Variants in TRHDE observed in about 807,000 individuals in gnomAD.
The protein encoded by TRHDE is thyrotropin releasing hormone degrading enzyme.
Under a neutral mutation model 125.7 loss-of-function variants are expected in TRHDE, and 72 were observed. The observed-to-expected ratio is 0.57, with a 90% confidence interval of 0.47 to 0.70. The LOEUF is 0.70. Ranked by LOEUF, TRHDE falls within the 30% of genes least tolerant of loss-of-function variation. The pLI, the probability that TRHDE is intolerant of heterozygous loss-of-function variation, is 0.00. For synonymous variants in TRHDE, 509 were observed against 509.1 expected, an observed-to-expected ratio of 1.00 and a Z score of 0.00; for missense variants, 1,110 against 1,327.1, an observed-to-expected ratio of 0.84 and a Z score of 2.54.
At chr12:72,222,247 TAAG>T (rs1878016553) in intron 2 of TRHDE, among the ~76,000 whole-genome samples, 1 of 151,988 alleles carries the variant, frequency 6.6e-6, no homozygotes, top group African/African-American at 2.4e-5. Flanking sequence ...AATATCAGGG[TAAG>T]AAGAGTATGT....
chr12:72,429,024 A>T (rs1874310543), intron 3 of TRHDE, among the ~76,000 whole-genome samples: 1 of 152,122 alleles, frequency 6.6e-6, no homozygotes, highest in Non-Finnish European at 1.5e-5. Flanking sequence ...ATAAAAAAGG[A>T]TGAGCTTGTG....
chr12:72,518,227 C>G (rs1224259760), intron 6 of TRHDE, among the ~76,000 whole-genome samples: 1 of 147,946 alleles, frequency 6.8e-6, no homozygotes, highest in Non-Finnish European at 1.5e-5. Flanking sequence ...ATTGATCTGT[C>G]TAATGTTGAC....
At position 72,452,831 on chromosome 12, in the gene TRHDE, TC is replaced by T. The variant is rs559770289; in HGVS notation, c.1316-16922del. ...CTGCTCTGGCCATGTACATGCCTAC[TC>T]CCCCTTTGCCATGATTGTAATTTTC... On this transcript the variant is annotated intron_variant, in intron 3 of 18. Transcript: ENST00000261180. Among the ~76,000 whole-genome samples, 3 of 152,152 alleles carry T rather than the reference TC, an allele frequency of 2.0e-5. No individual in the cohort carries two copies. The East Asian group carries it at 5.8e-4, about 30-fold the overall frequency.
chr12:72,100,031 A>G (rs951684636), intron 1 of TRHDE, among the ~76,000 whole-genome samples: 9 of 152,076 alleles, frequency 5.9e-5, no homozygotes, highest in African/African-American at 2.2e-4. Flanking sequence ...TTTTTCTCAG[A>G]GATATTAAAG....
chr12:72,159,817 TG>T (rs912531722), intron 2 of TRHDE, among the ~76,000 whole-genome samples: 5 of 152,178 alleles, frequency 3.3e-5, no homozygotes, highest in African/African-American at 1.2e-4. Flanking sequence ...TTTTCACTGC[TG>T]CAAATACTAT....
chr12:72,162,896 G>A (rs998240979), intron 2 of TRHDE: 1 of 150,100 alleles, frequency 6.7e-6, no homozygotes, highest in African/African-American at 2.5e-5. Flanking sequence ...AAAGGACTTT[G>A]GGGTGGGTTT....
chr12:72,319,235 C>G (rs1868959958), intron 2 of TRHDE, among the ~76,000 whole-genome samples: 1 of 152,140 alleles, frequency 6.6e-6, no homozygotes, highest in African/African-American at 2.4e-5. Flanking sequence ...TCTGATGTCT[C>G]ATAGAGGGGC....
intron 2 of TRHDE, among the ~76,000 whole-genome samples, chr12:72,249,876 C>T (rs1162089488): frequency 6.6e-6 from 1 of 151,944 alleles, no homozygotes; most frequent in African/African-American, 2.4e-5. Context: ...TGTAATAGTC[C>T]AAAACTTGCG....
At position 72,618,617 on chromosome 12, in the gene TRHDE, G is replaced by T. The variant is rs529429948; in HGVS notation, c.2322-274G>T. On this transcript the variant is annotated intron_variant, in intron 12 of 18. Transcript: ENST00000261180. ...CTGTGAAGGAACATACCTAGGCTCGGTTTTGCTTATGTTCCATAATTCCTT... is the reference window on the plus strand; with the variant it reads ...CTGTGAAGGAACATACCTAGGCTCGTTTTTGCTTATGTTCCATAATTCCTT... Among the ~76,000 whole-genome samples the T allele has an allele frequency of 2.6e-5, 4 of 152,080 alleles. No individual in the cohort carries two copies. The East Asian group carries it at 5.8e-4, about 22-fold the overall frequency.
chr12:72,330,723 A>C (rs1410377094), intron 2 of TRHDE, among the ~76,000 whole-genome samples: 2 of 152,192 alleles, frequency 1.3e-5, no homozygotes, highest in African/African-American at 4.8e-5. Context: ...GTACTTTCAG[A>C]GCGAAAATAA....
chr12:72,606,987 A>G (rs1030300683), intron 12 of TRHDE, among the ~76,000 whole-genome samples: 44 of 152,274 alleles, frequency 2.9e-4, no homozygotes, highest in African/African-American at 5.5e-4. Context: ...CAAATTTCCA[A>G]TGGTTTCATA....
chr12:72,561,287 C>A (rs1167906349), intron 7 of TRHDE, among the ~76,000 whole-genome samples: 1 of 151,546 alleles, frequency 6.6e-6, no homozygotes, highest in Non-Finnish European at 1.5e-5. Flanking sequence ...CAGCATTTTT[C>A]TTTTCAGTAC....
chr12:72,554,447 G>A (rs1325225845), intron 7 of TRHDE, among the ~76,000 whole-genome samples: 1 of 152,162 alleles, frequency 6.6e-6, no homozygotes, highest in Non-Finnish European at 1.5e-5. Flanking sequence ...GTAGGAATCA[G>A]CATGGGTTAA....
chr12:72,649,493 G>A (rs1874418859), intron 15 of TRHDE, among the ~76,000 whole-genome samples: 2 of 152,032 alleles, frequency 1.3e-5, no homozygotes, highest in South Asian at 4.1e-4. Flanking sequence ...TCTTGGCAAT[G>A]ATTTCATGGA....
chr12:72,087,948 G>A (rs1330023888), intron 1 of TRHDE, among the ~76,000 whole-genome samples: 2 of 152,032 alleles, frequency 1.3e-5, no homozygotes, highest in South Asian at 4.1e-4. Context: ...GGAAGCTGCA[G>A]CTCAATGGAG....
chr12:72,361,545 T>C lies in TRHDE; in HGVS notation c.1189-16450T>C, dbSNP rs532254898. ...TACTTTTCTATATGAGTAGGTGTTT[T>C]ATAATTTATTTTTTTTTTATTTTAT... is the stretch of plus-strand genomic sequence containing the variant. On this transcript the variant is annotated intron_variant, in intron 2 of 18. Transcript: ENST00000261180. 4.7e-5 allele frequency among the ~76,000 whole-genome samples: 7 copies of C among 149,950 alleles called. No homozygotes were observed. The South Asian group carries it at 6.3e-4, about 14-fold the overall frequency.
intron 5 of TRHDE, among the ~76,000 whole-genome samples, chr12:72,490,615 A>G (rs949093300): frequency 2.6e-5 from 4 of 151,714 alleles, no homozygotes; most frequent in African/African-American, 9.7e-5. Flanking sequence ...ACACACACAC[A>G]CACACACACA....
rs140933399 is a variant in TRHDE at position 72,359,846 on chromosome 12, G to T, written c.1189-18149G>T. Among the ~76,000 whole-genome samples, 221 of 151,790 alleles carry T rather than the reference G, an allele frequency of 1.5e-3. 1 individual carries two copies. The highest frequency in any genetic ancestry group is 5.0e-3 in the African/African-American group (208 of 41,462). On this transcript the variant is annotated intron_variant, in intron 2 of 18. Transcript: ENST00000261180. ...GAAAAAGAAAAAGGAAAGGGTATTG[G>T]TCTTACAAGGCTTCAGGATTTATTG...
At chr12:72,429,242 T>C (rs943524668) in intron 3 of TRHDE, among the ~76,000 whole-genome samples, 1 of 151,756 alleles carries the variant, frequency 6.6e-6, no homozygotes, top group Non-Finnish European at 1.5e-5. Context: ...ATACCTAATG[T>C]AGCTGACAGG....
Sources: gnomAD v4.1 joint callset for allele counts (sites outside exome capture counted in the v4.1 genomes callset) on GRCh38, gnomAD v4.1.1 for gene constraint, MANE v1.5 for transcripts, NCBI Gene and HGNC (gene_info 2026-07-23, HGNC 2026-07-21) for gene names.